The following HERC1 variants were observed in gnomAD, a reference collection of about 807,000 sequenced individuals.
HERC1 encodes the protein probable E3 ubiquitin-protein ligase HERC1.
A neutral mutation model predicts 554.3 loss-of-function variants in HERC1; 160 were observed. The observed-to-expected ratio is 0.29, with a 90% CI of 0.25 to 0.33. HERC1 has a LOEUF of 0.33. Among genes scored for constraint, HERC1 ranks in the 10% least tolerant of loss-of-function variants. The pLI is 1.00. For synonymous variants in HERC1, 2,175 were observed against 2,131.7 expected (o/e 1.02, Z -0.56); for missense variants, 4,919 against 5,918.5 (o/e 0.83, Z 5.54).
chr15:63,777,785 G>C (rs906510646), intron 1 of HERC1, among the ~76,000 whole-genome samples: 3 of 152,060 alleles, frequency 2.0e-5, no homozygotes, highest in Admixed American at 1.3e-4. Context: ...ATGAATTCTA[G>C]ATTATATAGG....
Position 63,609,150 on chromosome 15 carries a change from T to G in HERC1, c.14517A>C (p.Ser4839=). Residue 4839 remains serine (S), a synonymous_variant, in exon 78 of 78, where the codon TCA becomes TCC. Transcript: ENST00000443617. ...RLRYAINNCR[S]IDMDNYMLSR... is the part of the protein sequence containing the mutation. Reference sequence around the variant, plus strand: ...AGAGCATGTAGTTGTCCATGTCGATTGAGCGGCAGTTGTTGATGGCATAGC... The same window carrying G: ...AGAGCATGTAGTTGTCCATGTCGATGGAGCGGCAGTTGTTGATGGCATAGC... The G allele has an allele frequency of 6.2e-7, 1 of 1,613,968 alleles. No homozygotes were observed. The highest frequency in any genetic ancestry group is 8.5e-7 in the Non-Finnish European group (1 of 1,179,874).
intron 37 of HERC1, 128 bp from the exon 38 acceptor site, chr15:63,675,245 A>G (rs2071138213): frequency 2.8e-6 from 2 of 713,490 alleles, no homozygotes; most frequent in South Asian, 2.9e-5. Flanking sequence ...TACACAAACT[A>G]GAGAAATCAT....
intron 3 of HERC1, among the ~76,000 whole-genome samples, chr15:63,763,673 C>A: frequency 6.6e-6 from 1 of 150,732 alleles, no homozygotes; most frequent in Non-Finnish European, 1.5e-5. Context: ...GTCAAAGTCA[C>A]AATAGTGGTT....
At chr15:63,700,286 T>C (rs1361134223) in intron 25 of HERC1, among the ~76,000 whole-genome samples, 1 of 152,134 alleles carries the variant, frequency 6.6e-6, no homozygotes, top group Non-Finnish European at 1.5e-5. Context: ...GATTGCTGTA[T>C]AACATCCTAT....
chr15:63,655,299 A>G (rs1300147318), intron 50 of HERC1, among the ~76,000 whole-genome samples: 2 of 152,174 alleles, frequency 1.3e-5, no homozygotes. Context: ...GGTTGTACTG[A>G]GCCAAGATTG....
At chr15:63,829,444 ATG>A (rs35693299) in intron 1 of HERC1, among the ~76,000 whole-genome samples, 8 of 132,540 alleles carry the variant, frequency 6.0e-5, no homozygotes, top group East Asian at 4.1e-4. Flanking sequence ...AAACGTCAGT[ATG>A]TGTGTGTGTG....
intron 1 of HERC1, among the ~76,000 whole-genome samples, chr15:63,804,999 T>C (rs2077095879): frequency 6.6e-6 from 1 of 151,422 alleles, no homozygotes; most frequent in African/African-American, 2.4e-5. Flanking sequence ...GGTAGAAATG[T>C]GACATGGGAA....
At chr15:63,733,863 T>C (rs1405554260) in intron 13 of HERC1, among the ~76,000 whole-genome samples, 2 of 148,898 alleles carry the variant, frequency 1.3e-5, no homozygotes, top group Non-Finnish European at 3.0e-5. Context: ...AAAAGAAAAA[T>C]AAAAAAATCA....
intron 1 of HERC1, among the ~76,000 whole-genome samples, chr15:63,801,430 T>C (rs1276037367): frequency 1.3e-5 from 2 of 152,254 alleles, no homozygotes; most frequent in East Asian, 1.9e-4. Context: ...GGACAGCCCG[T>C]TGGTATCTGG....
intron 68 of HERC1, among the ~76,000 whole-genome samples, chr15:63,631,504 A>G (rs2068554446): frequency 6.7e-6 from 1 of 149,550 alleles, no homozygotes; most frequent in South Asian, 2.1e-4. Flanking sequence ...CTCTCTTCCC[A>G]CTCCTTTCAA....
At chr15:63,760,147 A>C (rs144055754) in intron 3 of HERC1, among the ~76,000 whole-genome samples, 58 of 152,288 alleles carry the variant, frequency 3.8e-4, no homozygotes, top group African/African-American at 1.4e-3. Flanking sequence ...AACAGAAAGG[A>C]AAGATGGAAA....
In HERC1 at chr15:63,793,199, G is replaced by C. The variant is rs139875402; in HGVS notation, c.-26-17550C>G. On this transcript the variant is annotated intron_variant, in intron 1 of 77. Transcript: ENST00000443617. ...GTAAAATAAGGCTGAGACCTACCAG[G>C]CTGAATTCCCAGGAGGTTAGGCATT... Among the ~76,000 whole-genome samples the C allele has an allele frequency of 7.2e-5, 11 of 152,286 alleles. No individual in the cohort carries two copies. The East Asian group carries it at 1.9e-3, about 27-fold the overall frequency.
chr15:63,673,656 G>A lies in HERC1; in HGVS notation c.7846+686C>T, dbSNP rs1197527919. On this transcript the variant is annotated intron_variant, in intron 38 of 77. Coordinates refer to ENST00000443617, the MANE Select transcript of HERC1 (RefSeq NM_003922.4). Reference sequence around the variant, plus strand: ...GCTTTTCTTTTTTTACATGCAATATGCAGCCTATGAAAGTAGAGACTTTAA... The same window carrying A: ...GCTTTTCTTTTTTTACATGCAATATACAGCCTATGAAAGTAGAGACTTTAA... Among the ~76,000 whole-genome samples, 3 of 152,124 alleles carry A rather than the reference G, an allele frequency of 2.0e-5. 1 individual carries two copies. Among genetic ancestry groups the A allele is most frequent in the Admixed American group, 2.0e-4 (3 of 15,274 alleles).
chr15:63,638,867 T>C (rs1177208807), intron 61 of HERC1, 91 bp from the exon 62 acceptor site: 1 of 872,666 alleles, frequency 1.1e-6, no homozygotes, highest in East Asian at 2.4e-5. Context: ...CATTAAGTCT[T>C]ATTTCCAAAA....
At chr15:63,688,956 T>C (rs1288111698) in intron 33 of HERC1, among the ~76,000 whole-genome samples, 1 of 152,142 alleles carries the variant, frequency 6.6e-6, no homozygotes, top group East Asian at 1.9e-4. Context: ...GAGTGATCTT[T>C]TAAAACCATA....
chr15:63,817,213 G>A lies in HERC1; in HGVS notation c.-27+16614C>T, dbSNP rs2077521585. Among the ~76,000 whole-genome samples, 5 of 152,186 alleles carry A rather than the reference G, an allele frequency of 3.3e-5. No homozygotes were observed. In the South Asian group the frequency reaches 1.0e-3, roughly 32 times the overall value. On this transcript the variant is annotated intron_variant, in intron 1 of 77. Coordinates refer to ENST00000443617, the MANE Select transcript of HERC1 (RefSeq NM_003922.4). The stretch of plus-strand genomic sequence containing the variant: ...GAACCTTATTTGGATGTCACTTCAA[G>A]CAAATAAACTATAGATCTATATCTA...
intron 1 of HERC1, among the ~76,000 whole-genome samples, chr15:63,823,756 C>T (rs936388628): frequency 8.5e-5 from 13 of 152,100 alleles, no homozygotes; most frequent in African/African-American, 2.9e-4. Flanking sequence ...AAAAAAGAAA[C>T]TATACTATAC....
intron 1 of HERC1, among the ~76,000 whole-genome samples, chr15:63,789,307 G>A (rs921954462): frequency 6.7e-6 from 1 of 149,882 alleles, no homozygotes; most frequent in Admixed American, 6.6e-5. Flanking sequence ...AGCCGGGATG[G>A]TCTCGATCTC....
chr15:63,712,148 A>G (rs1359762297), intron 24 of HERC1, among the ~76,000 whole-genome samples: 1 of 152,196 alleles, frequency 6.6e-6, no homozygotes, highest in Non-Finnish European at 1.5e-5. Context: ...GGAGGTATAA[A>G]CAGATTTGTA....
Sources: allele counts gnomAD v4.1 joint callset (sites outside exome capture counted in the v4.1 genomes callset), GRCh38; gene constraint gnomAD v4.1.1; transcripts MANE v1.5; gene names NCBI Gene and HGNC (gene_info 2026-07-23, HGNC 2026-07-21).